TM9SF3: variants seen among roughly 807,000 people sequenced by gnomAD.
TM9SF3 encodes transmembrane 9 superfamily member 3, also known as SM-11044-binding protein.
TM9SF3 carries 14 observed loss-of-function variants against 78.6 expected under a neutral mutation model. The ratio of observed to expected loss-of-function variants is 0.18; its 90% CI spans 0.12 to 0.28. The LOEUF (loss-of-function observed/expected upper bound fraction) is 0.28. TM9SF3 is among the 10% of genes least tolerant of loss of function. TM9SF3 has a pLI of 1.00. For synonymous variants in TM9SF3, 231 were observed against 241.7 expected, an observed-to-expected ratio of 0.96 and a Z score of 0.41; for missense variants, 496 against 721.9, an observed-to-expected ratio of 0.69 and a Z score of 3.59.
At chr10:96,555,279 A>G (rs2134146288) in intron 5 of TM9SF3, among the ~76,000 whole-genome samples, 1 of 152,224 alleles carries the variant, frequency 6.6e-6, no homozygotes, top group African/African-American at 2.4e-5. Flanking sequence ...TCCCTCTTCA[A>G]GAATCCACAA....
chr10:96,538,643 A>C (rs1357297346), intron 9 of TM9SF3, among the ~76,000 whole-genome samples: 1 of 152,176 alleles, frequency 6.6e-6, no homozygotes, highest in African/African-American at 2.4e-5. Context: ...TATAAGACAA[A>C]AGACTTGTAT....
chr10:96,549,849 T>C (rs888934737), intron 7 of TM9SF3, among the ~76,000 whole-genome samples: 1 of 145,532 alleles, frequency 6.9e-6, no homozygotes, highest in Non-Finnish European at 1.5e-5. Context: ...GCTGCCGAAT[T>C]GTAACACTAA....
chr10:96,534,742 G>T (rs762030619), intron 9 of TM9SF3, among the ~76,000 whole-genome samples: 1 of 152,128 alleles, frequency 6.6e-6, no homozygotes, highest in African/African-American at 2.4e-5. Flanking sequence ...TTTGAAAATA[G>T]TTTCTTTTTA....
At chr10:96,543,396 G>A (rs570525543) in intron 9 of TM9SF3, among the ~76,000 whole-genome samples, 55 of 142,218 alleles carry the variant, frequency 3.9e-4, no homozygotes, top group African/African-American at 1.4e-3. Context: ...GTGCAGTGGC[G>A]TGATCTCGGC....
chr10:96,536,906 C>T (rs765729112), intron 9 of TM9SF3, among the ~76,000 whole-genome samples: 3 of 152,218 alleles, frequency 2.0e-5, no homozygotes, highest in Non-Finnish European at 4.4e-5. Context: ...AGTGATCCTT[C>T]TGCCTCAGCC....
At chr10:96,564,164 C>T (rs953774911) in intron 3 of TM9SF3, among the ~76,000 whole-genome samples, 1 of 150,442 alleles carries the variant, frequency 6.6e-6, no homozygotes, top group Admixed American at 6.6e-5. Context: ...TGGTGGGGTG[C>T]ACCGGTAGTC....
chr10:96,582,864 G>A (rs1848586940), intron 1 of TM9SF3, among the ~76,000 whole-genome samples: 1 of 152,040 alleles, frequency 6.6e-6, no homozygotes, highest in African/African-American at 2.4e-5. Flanking sequence ...CGGATCACCT[G>A]ATATCAGGAG....
At chr10:96,561,167 T>C (rs1216300362) in intron 4 of TM9SF3, among the ~76,000 whole-genome samples, 1 of 152,184 alleles carries the variant, frequency 6.6e-6, no homozygotes, top group African/African-American at 2.4e-5. Flanking sequence ...TTGCTTTCTA[T>C]TACTTGCACA....
intron 1 of TM9SF3, among the ~76,000 whole-genome samples, chr10:96,585,328 A>C (rs1285691720): frequency 6.6e-6 from 1 of 152,182 alleles, no homozygotes; most frequent in Non-Finnish European, 1.5e-5. Flanking sequence ...CAAAGACCCA[A>C]ATCTATACAT....
At chr10:96,547,023 G>A (rs567180160) in intron 8 of TM9SF3, among the ~76,000 whole-genome samples, 1 of 152,286 alleles carries the variant, frequency 6.6e-6, no homozygotes, top group East Asian at 1.9e-4. Flanking sequence ...AAAACACCAA[G>A]GAGCAGTATC....
rs755298088 is a variant in TM9SF3 at position 96,528,080 on chromosome 10, C to T, written c.1492G>A (p.Val498Met). ...AGAAAATATGTGCACACAATAGTCA[C>T]ACAGACAGTCACAATGCACAGGATA... ...LVILCIVTVC[V>M]TIVCTYFLLN... Residue 498 changes from valine to methionine, a missense_variant, in exon 12 of 15, where the codon GTG (valine) becomes ATG (methionine). This residue lies in a region of TM9SF3 where 280 missense variants were observed against 422.6 expected (regional missense o/e 0.66). Transcript: ENST00000371142. 1 of 1,612,896 alleles carries T rather than the reference C, an allele frequency of 6.2e-7. No individual in the cohort carries two copies. The highest frequency in any genetic ancestry group is 1.1e-5 in the South Asian group (1 of 91,022).
chr10:96,567,727 T>C (rs1049717440), intron 2 of TM9SF3, among the ~76,000 whole-genome samples: 2 of 152,336 alleles, frequency 1.3e-5, no homozygotes, highest in African/African-American at 2.4e-5. Context: ...CATTAGGTCT[T>C]GAGCGCTTTG....
At position 96,551,385 on chromosome 10, in the gene TM9SF3, T is replaced by A. The variant is rs370387234; in HGVS notation, c.819A>T (p.Gly273=). Residue 273 remains glycine (G), a synonymous_variant, in exon 7 of 15, where the codon GGA becomes GGT. Coordinates refer to ENST00000371142, the MANE Select transcript of TM9SF3 (RefSeq NM_020123.4). The part of the protein sequence containing the change: ...DMDRDLGDEY[G]WKQVHGDVFR... ...ATACATCTCCATGCACCTGTTTCCA[T>A]CCATATTCATCTCCTAGGTCTCTAT... 7 of 1,610,706 alleles carry A rather than the reference T, an allele frequency of 4.3e-6. No individual in the cohort carries two copies. Among genetic ancestry groups the A allele is most frequent in the East Asian group, 4.5e-5 (2 of 44,726 alleles).
chr10:96,581,990 T>C lies in TM9SF3; in HGVS notation c.102+4744A>G, dbSNP rs145487430. 5.3e-3 allele frequency among the ~76,000 whole-genome samples: 812 copies of C among 152,330 alleles called. 6 individuals are homozygous for C. The highest frequency in any genetic ancestry group is 6.6e-3 in the Non-Finnish European group (448 of 68,030). On this transcript the variant is annotated intron_variant, in intron 1 of 14. Transcript: ENST00000371142. ...AGGAATAACGGCCTCAGTTTGTTCA[T>C]TGTGCTTCCACACTGCATATCCTTG...
intron 2 of TM9SF3, among the ~76,000 whole-genome samples, chr10:96,568,346 G>T (rs976720466): frequency 2.6e-5 from 4 of 152,116 alleles, no homozygotes; most frequent in African/African-American, 7.2e-5. Context: ...TATATCTTTC[G>T]AAGGTGAAAC....
At chr10:96,551,687 T>C (rs566006302) in intron 6 of TM9SF3, among the ~76,000 whole-genome samples, 2 of 152,234 alleles carry the variant, frequency 1.3e-5, no homozygotes, top group East Asian at 3.9e-4. Context: ...AATGGTCAAA[T>C]TGGGAGAACA....
chr10:96,544,690 T>C (rs1848076470), intron 8 of TM9SF3, among the ~76,000 whole-genome samples: 1 of 151,824 alleles, frequency 6.6e-6, no homozygotes, highest in South Asian at 2.1e-4. Context: ...CACATTGGAG[T>C]TTCATGTAAG....
At position 96,576,801 on chromosome 10, in the gene TM9SF3, C is replaced by A; in HGVS notation, c.131G>T (p.Trp44Leu). The part of the protein sequence containing the change: ...TYQDKEEVVL[W>L]MNTVGPYHNR... ...ATGGTAGGGCCCAACAGTATTCATC[C>A]ATAAGACAACTTCCTCTTTATCTTG... The change falls in exon 2 of 15, where the codon TGG becomes TTG. Residue 44 changes from tryptophan to leucine, a missense_variant. Physicochemically the swap from Trp to Leu is moderately conservative, Grantham distance 61. Coordinates refer to ENST00000371142, the MANE Select transcript of TM9SF3 (RefSeq NM_020123.4). 6.5e-7 allele frequency: 1 copy of A among 1,533,748 alleles called. No homozygotes were observed. The highest frequency in any genetic ancestry group is 8.7e-7 in the Non-Finnish European group (1 of 1,146,078).
At chr10:96,579,814 C>T (rs1398676155) in intron 1 of TM9SF3, among the ~76,000 whole-genome samples, 1 of 152,122 alleles carries the variant, frequency 6.6e-6, no homozygotes, top group Non-Finnish European at 1.5e-5. Context: ...CCTTGATTGT[C>T]CCTGAGAATA....
Sources: allele counts gnomAD v4.1 joint callset (sites outside exome capture counted in the v4.1 genomes callset), GRCh38; gene constraint gnomAD v4.1.1; regional missense constraint gnomAD v4.1.1; transcripts MANE v1.5; gene names NCBI Gene and HGNC (gene_info 2026-07-23, HGNC 2026-07-21).